Variants in DCBLD1 observed in about 807,000 individuals in gnomAD.
DCBLD1 encodes discoidin, CUB and LCCL domain-containing protein 1.
Under a neutral mutation model 71.5 loss-of-function variants are expected in DCBLD1, and 57 were observed. The observed-to-expected ratio is 0.80, with a 90% CI of 0.64 to 0.99. DCBLD1 has a LOEUF of 0.99. Ranked by LOEUF, DCBLD1 falls within the 50% of genes least tolerant of loss-of-function variation. The pLI is 0.00. For missense variants in DCBLD1, 891 were observed against 923.5 expected (o/e 0.96, Z 0.46); for synonymous variants, 380 against 363.8 (o/e 1.04, Z -0.51).
intron 14 of DCBLD1, chr6:117,563,399 A>G (rs1242088220): frequency 5.3e-5 from 85 of 1,599,582 alleles, no homozygotes; most frequent in Non-Finnish European, 7.1e-5. Flanking sequence ...AAGAAAGGAG[A>G]AAAAAAAAGC....
At chr6:117,520,971 C>T (rs1778365903) in intron 3 of DCBLD1, among the ~76,000 whole-genome samples, 1 of 152,210 alleles carries the variant, frequency 6.6e-6, no homozygotes, top group Non-Finnish European at 1.5e-5. Flanking sequence ...TGTATCTTAG[C>T]CTCTATTGCT....
chr6:117,560,601 G>C (rs1256246406), intron 14 of DCBLD1: 1 of 194,592 alleles, frequency 5.1e-6, no homozygotes, highest in Non-Finnish European at 1.1e-5. Flanking sequence ...TTCGATAGCT[G>C]TTGACTTGTA....
chr6:117,518,452 G>A (rs1233653653), intron 2 of DCBLD1, among the ~76,000 whole-genome samples: 5 of 152,142 alleles, frequency 3.3e-5, no homozygotes, highest in Non-Finnish European at 5.9e-5. Context: ...CAGTTCCAAA[G>A]TCACTTCCAC....
At chr6:117,565,254 C>T (rs1779672477) in intron 14 of DCBLD1, among the ~76,000 whole-genome samples, 1 of 152,120 alleles carries the variant, frequency 6.6e-6, no homozygotes, top group Non-Finnish European at 1.5e-5. Context: ...GCTGTATTTT[C>T]ATATATCTGC....
chr6:117,540,515 A>G (rs1250089237), intron 9 of DCBLD1, 153 bp from the exon 10 acceptor site: 1 of 859,746 alleles, frequency 1.2e-6, no homozygotes, highest in Admixed American at 2.8e-5. Flanking sequence ...CCTTGTTTGC[A>G]AAGCCTCGTA....
intron 14 of DCBLD1, 182 bp from the exon 15 acceptor site, chr6:117,547,725 T>TG: frequency 1.5e-6 from 2 of 1,302,846 alleles, no homozygotes; most frequent in Non-Finnish European, 2.2e-6. Flanking sequence ...GGTGCGGTTG[T>TG]GTACTGCCTG....
intron 11 of DCBLD1, 115 bp from the exon 12 acceptor site, chr6:117,543,008 AT>A (rs950772458): frequency 2.4e-6 from 2 of 829,864 alleles, no homozygotes; most frequent in Non-Finnish European, 4.1e-6. Flanking sequence ...ACATGTATTC[AT>A]TTTCCCCCTA....
chr6:117,489,517 C>A (rs1777207009), intron 1 of DCBLD1, among the ~76,000 whole-genome samples: 1 of 152,154 alleles, frequency 6.6e-6, no homozygotes, highest in South Asian at 2.1e-4. Flanking sequence ...AATGAGGTAA[C>A]AGCTTAAGTA....
intron 5 of DCBLD1, among the ~76,000 whole-genome samples, chr6:117,527,379 A>T (rs1262395830): frequency 6.6e-6 from 1 of 152,162 alleles, no homozygotes; most frequent in African/African-American, 2.4e-5. Flanking sequence ...AAATGCGTTC[A>T]GTTGTAGCAA....
rs181538515 is a variant in DCBLD1, at chr6:117,549,245, T to G, written c.*806T>G. The G allele has an allele frequency of 1.0e-6, 1 of 985,366 alleles. No individual in the cohort carries two copies. The highest frequency in any genetic ancestry group is 1.2e-6 in the Non-Finnish European group (1 of 829,922). The allele number at this position is 985,366 out of a possible 1,614,324, so 61.0% of individuals were successfully genotyped here. A position where few individuals can be genotyped will look rare whatever the true frequency, so the allele number is the denominator to read the frequency against. On this transcript the variant is annotated 3_prime_UTR_variant, in exon 15 of 15. Transcript: ENST00000338728. ...CCTCAGATTAAAAATATTGCTGAGG[T>G]CAGACGCCACAATTTTCATGACTTT... is the stretch of plus-strand genomic sequence containing the variant.
intron 5 of DCBLD1, among the ~76,000 whole-genome samples, chr6:117,529,267 C>A (rs1778637919): frequency 7.7e-6 from 1 of 130,562 alleles, no homozygotes; most frequent in African/African-American, 2.8e-5. Context: ...TTCTAATTTG[C>A]CGTTAAAGCA....
chr6:117,486,427 T>A (rs536153505), intron 1 of DCBLD1, among the ~76,000 whole-genome samples: 1 of 152,356 alleles, frequency 6.6e-6, no homozygotes, highest in East Asian at 1.9e-4. Flanking sequence ...ATCTTAGTAT[T>A]CATTACTGTT....
chr6:117,493,805 C>G (rs1254735618), intron 1 of DCBLD1, among the ~76,000 whole-genome samples: 1 of 152,140 alleles, frequency 6.6e-6, no homozygotes, highest in African/African-American at 2.4e-5. Context: ...AGCCTTGACT[C>G]CTTCACACAC....
chr6:117,537,075 T>C (rs1322289168), intron 6 of DCBLD1, 110 bp from the exon 7 acceptor site: 2 of 1,025,426 alleles, frequency 2.0e-6, no homozygotes, highest in Non-Finnish European at 3.0e-6. Context: ...GTGAGGATCA[T>C]GTAAGGAAGC....
intron 2 of DCBLD1, among the ~76,000 whole-genome samples, chr6:117,518,494 T>G (rs1237881910): frequency 6.6e-6 from 1 of 152,138 alleles, no homozygotes; most frequent in African/African-American, 2.4e-5. Flanking sequence ...AGCACCCCAC[T>G]CTACTGGCAC....
At chr6:117,542,532 T>C (rs1351553004) in intron 11 of DCBLD1, among the ~76,000 whole-genome samples, 1 of 152,158 alleles carries the variant, frequency 6.6e-6, no homozygotes, top group Non-Finnish European at 1.5e-5. Context: ...AAAGTGTCCT[T>C]TTTTTAGAGC....
chr6:117,547,684 G>GAGA (rs747579976), intron 14 of DCBLD1: 17 of 919,870 alleles, frequency 1.8e-5, no homozygotes. Context: ...CCCCATCTCT[G>GAGA]AGAAGACCCT....
intron 14 of DCBLD1, chr6:117,563,392 A>G (rs1779626508): frequency 6.2e-7 from 1 of 1,611,942 alleles, no homozygotes; most frequent in South Asian, 1.1e-5. Context: ...ATCCTGAAAG[A>G]AAGGAGAAAA....
At chr6:117,544,686 CAT>C in intron 13 of DCBLD1, 109 bp downstream of exon 13, 1 of 1,200,624 alleles carries the variant, frequency 8.3e-7, no homozygotes. Context: ...GGTTAAAAGA[CAT>C]AAGCCCTGTA....
Sources: gnomAD v4.1 joint callset for allele counts (sites outside exome capture counted in the v4.1 genomes callset) on GRCh38, gnomAD v4.1.1 for gene constraint, MANE v1.5 for transcripts, NCBI Gene and HGNC (gene_info 2026-07-23, HGNC 2026-07-21) for gene names.